CNTNAP5: variants seen among roughly 807,000 people sequenced by gnomAD.
The protein encoded by CNTNAP5 is contactin-associated protein-like 5.
CNTNAP5 carries 72 observed loss-of-function variants against 150.2 expected under a neutral mutation model. That is an observed-to-expected ratio of 0.48 (90% CI 0.40 to 0.58). CNTNAP5 has a LOEUF of 0.58. Ranked by LOEUF, CNTNAP5 falls within the 20% of genes least tolerant of loss-of-function variation. The probability of loss-of-function intolerance (pLI) is 0.00; values close to 1 mark genes in which losing one functional copy is unlikely to be tolerated. For missense variants in CNTNAP5, 1,636 were observed against 1,626.2 expected, an observed-to-expected ratio of 1.01 and a Z score of -0.10; for synonymous variants, 672 against 619.8, an observed-to-expected ratio of 1.08 and a Z score of -1.25.
intron 3 of CNTNAP5, among the ~76,000 whole-genome samples, chr2:124,412,563 A>C (rs1279338536): frequency 6.6e-6 from 1 of 151,444 alleles, no homozygotes; most frequent in Non-Finnish European, 1.5e-5. Flanking sequence ...CAGAGCCCTC[A>C]GAAATAACGC....
intron 6 of CNTNAP5, among the ~76,000 whole-genome samples, chr2:124,456,610 A>G (rs1193514676): frequency 6.6e-6 from 1 of 152,168 alleles, no homozygotes; most frequent in African/African-American, 2.4e-5. Flanking sequence ...CACATAGTCA[A>G]AACAAGACTA....
intron 1 of CNTNAP5, among the ~76,000 whole-genome samples, chr2:124,077,479 G>A (rs4567938): frequency 0.98 from 148,854 of 152,210 alleles, 72,884 homozygotes; most frequent in East Asian, 1. Flanking sequence ...AAAACAATCT[G>A]TCTACCTGTG....
At chr2:124,544,969 C>T (rs1011175454) in intron 10 of CNTNAP5, among the ~76,000 whole-genome samples, 2 of 152,120 alleles carry the variant, frequency 1.3e-5, no homozygotes, top group African/African-American at 4.8e-5. Context: ...GACTTAATTT[C>T]TCCCAACATC....
intron 6 of CNTNAP5, among the ~76,000 whole-genome samples, chr2:124,449,680 A>G (rs1319510989): frequency 6.6e-6 from 1 of 152,174 alleles, no homozygotes; most frequent in African/African-American, 2.4e-5. Context: ...CTCCCTAGGA[A>G]AGAGGCACCT....
chr2:124,131,108 T>C (rs1014589287), intron 1 of CNTNAP5, among the ~76,000 whole-genome samples: 1 of 152,194 alleles, frequency 6.6e-6, no homozygotes, highest in African/African-American at 2.4e-5. Context: ...TGTGTTTTAG[T>C]TGATGTATCC....
intron 1 of CNTNAP5, among the ~76,000 whole-genome samples, chr2:124,149,674 GCA>G (rs1684356063): frequency 6.6e-6 from 1 of 152,322 alleles, no homozygotes; most frequent in Admixed American, 6.5e-5. Context: ...AGTGGAGTGA[GCA>G]GCGCCAATCC....
intron 2 of CNTNAP5, among the ~76,000 whole-genome samples, chr2:124,230,467 C>G (rs1016136056): frequency 6.6e-6 from 1 of 151,156 alleles, no homozygotes; most frequent in African/African-American, 2.4e-5. Context: ...CTAATCTACT[C>G]TGTTTTATTT....
chr2:124,373,735 G>A (rs1175703191), intron 3 of CNTNAP5, among the ~76,000 whole-genome samples: 1 of 151,980 alleles, frequency 6.6e-6, no homozygotes, highest in Non-Finnish European at 1.5e-5. Context: ...TAGGAGGGCT[G>A]GGTGGTGATT....
intron 1 of CNTNAP5, among the ~76,000 whole-genome samples, chr2:124,209,501 TG>T (rs1251719542): frequency 1.9e-4 from 29 of 152,348 alleles, no homozygotes; most frequent in African/African-American, 6.3e-4. Flanking sequence ...CGCACTTCCC[TG>T]TGTGACTTGG....
chr2:124,645,819 C>T (rs1678191186), intron 12 of CNTNAP5, among the ~76,000 whole-genome samples: 3 of 152,146 alleles, frequency 2.0e-5, no homozygotes, highest in Admixed American at 6.5e-5. Context: ...TGGCATCTAT[C>T]ATCAGCTTCT....
At chr2:124,451,120 C>T (rs1402632510) in intron 6 of CNTNAP5, among the ~76,000 whole-genome samples, 1 of 134,292 alleles carries the variant, frequency 7.4e-6, no homozygotes, top group East Asian at 2.2e-4. Context: ...TGTACACACA[C>T]AAATATATAA....
intron 21 of CNTNAP5, among the ~76,000 whole-genome samples, chr2:124,879,366 G>C (rs1478705703): frequency 6.6e-6 from 1 of 152,128 alleles, no homozygotes; most frequent in East Asian, 1.9e-4. Flanking sequence ...TATTAGAACT[G>C]TGGTTACCTG....
intron 3 of CNTNAP5, among the ~76,000 whole-genome samples, chr2:124,378,362 C>G (rs930036428): frequency 3.3e-5 from 5 of 152,074 alleles, no homozygotes; most frequent in African/African-American, 1.2e-4. Flanking sequence ...CTACCCCACT[C>G]TCTCTCTAAC....
intron 1 of CNTNAP5, among the ~76,000 whole-genome samples, chr2:124,110,190 G>A (rs1683262513): frequency 6.6e-6 from 1 of 152,200 alleles, no homozygotes; most frequent in Admixed American, 6.5e-5. Context: ...CTGTAAACCT[G>A]ACTGTGACAT....
chr2:124,241,585 C>CCT (rs1429116822), intron 2 of CNTNAP5, among the ~76,000 whole-genome samples: 2 of 151,226 alleles, frequency 1.3e-5, no homozygotes, highest in East Asian at 1.9e-4. Flanking sequence ...TTTTTGTCAG[C>CCT]CTCTCTCTCT....
At chr2:124,361,842 T>G (rs1243016487) in intron 3 of CNTNAP5, among the ~76,000 whole-genome samples, 1 of 152,118 alleles carries the variant, frequency 6.6e-6, no homozygotes, top group African/African-American at 2.4e-5. Context: ...TCCACCCAGT[T>G]CGAGCTTCCC....
intron 13 of CNTNAP5, among the ~76,000 whole-genome samples, chr2:124,695,020 G>A (rs549045875): frequency 6.7e-6 from 1 of 148,506 alleles, no homozygotes; most frequent in African/African-American, 2.4e-5. Flanking sequence ...GTGTGTGTGT[G>A]TGTTACAATG....
intron 1 of CNTNAP5, among the ~76,000 whole-genome samples, chr2:124,117,413 C>G (rs888198549): frequency 1.3e-5 from 2 of 152,092 alleles, no homozygotes; most frequent in African/African-American, 4.8e-5. Flanking sequence ...TAGAGCAGTA[C>G]AAGGCATATA....
At chr2:124,810,997 C>CA (rs1253746291) in intron 19 of CNTNAP5, among the ~76,000 whole-genome samples, 1 of 151,694 alleles carries the variant, frequency 6.6e-6, no homozygotes, top group East Asian at 1.9e-4. Context: ...GAATGAGATA[C>CA]AAGAAAACAG....
Sources: allele counts gnomAD v4.1 joint callset (sites outside exome capture counted in the v4.1 genomes callset), GRCh38; gene constraint gnomAD v4.1.1; transcripts MANE v1.5; gene names NCBI Gene and HGNC (gene_info 2026-07-23, HGNC 2026-07-21).